Variants in SLC24A4 observed in about 807,000 individuals in gnomAD.
SLC24A4 encodes sodium/potassium/calcium exchanger 4.
In SLC24A4, 53 loss-of-function variants were observed where a neutral mutation model predicts 79.0. The ratio of observed to expected loss-of-function variants is 0.67; its 90% CI spans 0.54 to 0.84. The LOEUF (loss-of-function observed/expected upper bound fraction) is 0.84, where lower values mean the gene tolerates loss of function less well. Ranked by LOEUF, SLC24A4 falls within the 40% of genes least tolerant of loss-of-function variation. The pLI is 0.00. For synonymous variants in SLC24A4, 323 were observed against 323.8 expected (o/e 1.00, Z 0.03); for missense variants, 731 against 822.0 (o/e 0.89, Z 1.35).
intron 2 of SLC24A4, among the ~76,000 whole-genome samples, chr14:92,342,367 T>A (rs118107069): frequency 8.1e-5 from 11 of 135,284 alleles, no homozygotes; most frequent in African/African-American, 2.5e-4. Flanking sequence ...TTTCCCCATT[T>A]ATTTATTTAT....
intron 4 of SLC24A4, among the ~76,000 whole-genome samples, chr14:92,440,440 T>A (rs775275388): frequency 2.0e-5 from 3 of 152,124 alleles, no homozygotes; most frequent in Non-Finnish European, 2.9e-5. Context: ...TTAAGTGTTG[T>A]TGCTTCTGCC....
intron 2 of SLC24A4, among the ~76,000 whole-genome samples, chr14:92,395,777 C>T (rs1108161): frequency 0.097 from 14,765 of 152,042 alleles, 790 homozygotes; most frequent in Middle Eastern, 0.15. Context: ...GGGGTGTATA[C>T]CTTCTGGTTT....
chr14:92,443,821 G>A (rs987073490), intron 7 of SLC24A4, among the ~76,000 whole-genome samples: 3 of 152,186 alleles, frequency 2.0e-5, no homozygotes, highest in Admixed American at 1.3e-4. Context: ...TAGAATCATC[G>A]CAGAGCTTGG....
At chr14:92,407,463 T>C (rs540665105) in intron 2 of SLC24A4, among the ~76,000 whole-genome samples, 1 of 152,268 alleles carries the variant, frequency 6.6e-6, no homozygotes, top group Non-Finnish European at 1.5e-5. Flanking sequence ...TATTAATCCA[T>C]CCTTATACAG....
intron 6 of SLC24A4, 32 bp from the exon 7 acceptor site, chr14:92,443,368 C>T (rs1299031406): frequency 3.7e-6 from 6 of 1,612,310 alleles, no homozygotes; most frequent in Middle Eastern, 1.6e-4. Context: ...CTTCTGCGCT[C>T]ATAGCAGCCA....
chr14:92,397,554 G>A (rs74073015), intron 2 of SLC24A4, among the ~76,000 whole-genome samples: 4,772 of 152,288 alleles, frequency 0.031, 265 homozygotes, highest in African/African-American at 0.11. Flanking sequence ...TCCTGTCTGG[G>A]TTCCAGGGAG....
At chr14:92,352,763 T>TA (rs1170635983) in intron 2 of SLC24A4, among the ~76,000 whole-genome samples, 4 of 152,134 alleles carry the variant, frequency 2.6e-5, no homozygotes, top group Non-Finnish European at 5.9e-5. Context: ...TAGAGCAAGT[T>TA]AGAGTTGCAG....
intron 2 of SLC24A4, among the ~76,000 whole-genome samples, chr14:92,372,834 T>C (rs1888246078): frequency 6.6e-6 from 1 of 151,770 alleles, no homozygotes; most frequent in Non-Finnish European, 1.5e-5. Flanking sequence ...CATTTGCACC[T>C]TGCTAGGCCT....
In SLC24A4 at chr14:92,498,263, A is replaced by G. The variant is rs374774232; in HGVS notation, c.*4635A>G. On this transcript the variant is annotated 3_prime_UTR_variant, in exon 17 of 17. Transcript: ENST00000532405. ...AGCCTCCCTTGGGGCTTCTCAAAGC[A>G]TGGAGAGGGGCCCTTCCTGTCCTTT... 1 of 152,194 alleles carries G rather than the reference A, an allele frequency of 6.6e-6. No homozygotes were observed. Among genetic ancestry groups the G allele is most frequent in the South Asian group, 2.1e-4 (1 of 4,828 alleles). The allele number at this position is 152,194 out of a possible 1,614,324, so 9.4% of individuals were successfully genotyped here.
At chr14:92,379,460 G>A (rs1888702616) in intron 2 of SLC24A4, among the ~76,000 whole-genome samples, 1 of 152,132 alleles carries the variant, frequency 6.6e-6, no homozygotes, top group Non-Finnish European at 1.5e-5. Flanking sequence ...GCCTGGCAGG[G>A]GCTGCTGGAA....
chr14:92,329,212 G>C (rs1885326367), intron 2 of SLC24A4, among the ~76,000 whole-genome samples: 1 of 152,268 alleles, frequency 6.6e-6, no homozygotes, highest in Non-Finnish European at 1.5e-5. Context: ...GCTCCCTCCT[G>C]TGCTAAGGCA....
At position 92,498,478 on chromosome 14, in the gene SLC24A4, C is replaced by T. The variant is rs930646145; in HGVS notation, c.*4850C>T. On this transcript the variant is annotated 3_prime_UTR_variant, in exon 17 of 17. Coordinates refer to ENST00000532405, the MANE Select transcript of SLC24A4 (RefSeq NM_153646.4). ...AGCTGTTCCCCAAAGGGCATATCCACAGGGTACAGGTTTTAAAAAGGCTTT... is the reference window on the plus strand; with the variant it reads ...AGCTGTTCCCCAAAGGGCATATCCATAGGGTACAGGTTTTAAAAAGGCTTT... 2 of 151,392 alleles carry T rather than the reference C, an allele frequency of 1.3e-5. No homozygotes were observed. Among genetic ancestry groups the T allele is most frequent in the African/African-American group, 4.9e-5 (2 of 41,138 alleles). 9.4% of individuals were successfully genotyped at this position (151,392 alleles called of 1,614,324 possible).
At chr14:92,419,793 G>T (rs1032303718) in intron 2 of SLC24A4, among the ~76,000 whole-genome samples, 1 of 152,200 alleles carries the variant, frequency 6.6e-6, no homozygotes, top group East Asian at 1.9e-4. Flanking sequence ...GGTCAATCAA[G>T]TCAACACATA....
At chr14:92,484,212 A>T in intron 13 of SLC24A4, 1 of 985,114 alleles carries the variant, frequency 1.0e-6, no homozygotes, top group Non-Finnish European at 1.2e-6. Context: ...AATTCTAAAC[A>T]GTGTATGGGA....
At chr14:92,466,900 T>C (rs534165534) in intron 12 of SLC24A4, among the ~76,000 whole-genome samples, 1 of 152,352 alleles carries the variant, frequency 6.6e-6, no homozygotes, top group African/African-American at 2.4e-5. Flanking sequence ...TTTATTTACC[T>C]GTGAAACAGG....
chr14:92,437,209 C>T (rs917192684), intron 3 of SLC24A4, among the ~76,000 whole-genome samples: 7 of 152,246 alleles, frequency 4.6e-5, no homozygotes, highest in African/African-American at 1.7e-4. Flanking sequence ...CTCATATTCT[C>T]TGTTTTCCAC....
At chr14:92,368,985 C>A (rs1382950574) in intron 2 of SLC24A4, among the ~76,000 whole-genome samples, 1 of 152,130 alleles carries the variant, frequency 6.6e-6, no homozygotes, top group Non-Finnish European at 1.5e-5. Context: ...TACAAGGAGA[C>A]CAGAATGTTC....
intron 2 of SLC24A4, among the ~76,000 whole-genome samples, chr14:92,416,560 G>T (rs1890994748): frequency 6.6e-6 from 1 of 152,092 alleles, no homozygotes; most frequent in Non-Finnish European, 1.5e-5. Context: ...AGAGGTGATG[G>T]GTCCAAAGAG....
rs1215456436 is a variant in SLC24A4, at chr14:92,493,781, T to C, written c.*153T>C. ...AGGAAGAGCCATCGTGGTCTTTGTC[T>C]GGCCACAGGCCAGGCTGCTGGGCAT... On this transcript the variant is annotated 3_prime_UTR_variant, in exon 17 of 17. Coordinates refer to ENST00000532405, the MANE Select transcript of SLC24A4 (RefSeq NM_153646.4). 2 of 927,258 alleles carry C rather than the reference T, an allele frequency of 2.2e-6. No homozygotes were observed. The highest frequency in any genetic ancestry group is 5.6e-5 in the Admixed American group (2 of 35,562). The allele number at this position is 927,258 out of a possible 1,614,324, so 57.4% of individuals were successfully genotyped here.
Sources: gnomAD v4.1 joint callset for allele counts (sites outside exome capture counted in the v4.1 genomes callset) on GRCh38, gnomAD v4.1.1 for gene constraint, MANE v1.5 for transcripts, NCBI Gene and HGNC (gene_info 2026-07-23, HGNC 2026-07-21) for gene names.